Variants in NXT1 observed in about 807,000 individuals in gnomAD.
NXT1 encodes nuclear transport factor 2 like export factor 1, also known as NTF2-related export protein 1.
NXT1 carries 3 observed loss-of-function variants against 9.9 expected under a neutral mutation model. The observed-to-expected ratio is 0.30, with a 90% CI of 0.14 to 0.79. The LOEUF is 0.79. NXT1 is among the 30% of genes least tolerant of loss of function. The pLI, the probability that NXT1 is intolerant of heterozygous loss-of-function variation, is 0.63. For synonymous variants in NXT1, 53 were observed against 66.5 expected, an observed-to-expected ratio of 0.80 and a Z score of 0.99; for missense variants, 91 against 178.2, an observed-to-expected ratio of 0.51 and a Z score of 2.79.
intron 1 of NXT1, among the ~76,000 whole-genome samples, chr20:23,352,808 A>C (rs1375560281): frequency 6.6e-6 from 1 of 152,068 alleles, no homozygotes; most frequent in African/African-American, 2.4e-5. Context: ...CTTTCTGTGG[A>C]GGCACTGTGA....
At chr20:23,353,792 T>TTC (rs1980334863) in intron 1 of NXT1, among the ~76,000 whole-genome samples, 189 bp from the exon 2 acceptor site, 1 of 152,222 alleles carries the variant, frequency 6.6e-6, no homozygotes, top group Non-Finnish European at 1.5e-5. Flanking sequence ...AATCCCATCT[T>TTC]AACAGTGAGC....
rs1474428178 is a variant in NXT1 at position 23,354,442 on chromosome 20, G to A, written c.401G>A (p.Arg134His). 3 of 1,613,578 alleles carry A rather than the reference G, an allele frequency of 1.9e-6. No individual in the cohort carries two copies. Among genetic ancestry groups the A allele is most frequent in the African/African-American group, 2.7e-5 (2 of 74,916 alleles). ...TVWKIASDCF[R>H]FQDWAS Reference sequence around the variant, plus strand: ...TGGAAGATCGCAAGTGACTGCTTCCGCTTCCAGGACTGGGCCAGCTAGTGG... The same window carrying A: ...TGGAAGATCGCAAGTGACTGCTTCCACTTCCAGGACTGGGCCAGCTAGTGG... The change falls in exon 2 of 2, where the codon CGC (arginine) becomes CAC (histidine). Residue 134 changes from arginine (R) to histidine (H), a missense_variant. By Grantham distance (29) the Arg-to-His change is conservative. Transcript: ENST00000254998.
chr20:23,354,323 C>T lies in NXT1; in HGVS notation c.282C>T (p.Val94=). The T allele has an allele frequency of 1.2e-6, 2 of 1,614,186 alleles. No homozygotes were observed. The highest frequency in any genetic ancestry group is 1.7e-6 in the Non-Finnish European group (2 of 1,180,048). Residue 94 remains valine, a synonymous_variant, in exon 2 of 2, where the codon GTC becomes GTT. Coordinates refer to ENST00000254998, the MANE Select transcript of NXT1 (RefSeq NM_013248.3). ...CAAGCCAGACCACGGTCCTTGTTGT[C>T]ATCTGTGGATCAGTGAAGTTTGAGG... is the stretch of plus-strand genomic sequence containing the variant. ...ATPSQTTVLV[V]ICGSVKFEGN... is the part of the protein sequence containing the mutation.
At chr20:23,351,122 C>G (rs536978767) in intron 1 of NXT1, 61 bp downstream of exon 1, 10 of 152,352 alleles carry the variant, frequency 6.6e-5, no homozygotes, top group African/African-American at 2.4e-4. Flanking sequence ...TACCCCACGC[C>G]CTCCTCCATT....
Position 23,354,016 on chromosome 20 carries a change from G to T in NXT1, c.-26G>T. ...CCCAAGGCAGAGGAAATACCCTGGT[G>T]GAGCCCTCCTTCCATAGAACCAGAG... On this transcript the variant is annotated 5_prime_UTR_variant, in exon 2 of 2. Coordinates refer to ENST00000254998, the MANE Select transcript of NXT1 (RefSeq NM_013248.3). 6.2e-7 allele frequency: 1 copy of T among 1,600,410 alleles called. No homozygotes were observed. The highest frequency in any genetic ancestry group is 8.5e-7 in the Non-Finnish European group (1 of 1,170,278).
intron 1 of NXT1, 46 bp from the exon 2 acceptor site, chr20:23,353,935 A>T (rs956342941): frequency 5.8e-5 from 61 of 1,049,602 alleles, no homozygotes; most frequent in Admixed American, 2.2e-5. Context: ...GGGCAGAATG[A>T]ACTTTGGCAT....
At chr20:23,352,750 GTTCATA>G (rs1163497739) in intron 1 of NXT1, among the ~76,000 whole-genome samples, 2 of 152,086 alleles carry the variant, frequency 1.3e-5, no homozygotes, top group Admixed American at 6.5e-5. Flanking sequence ...TTCAGCTATA[GTTCATA>G]TTCTGTGTCC....
intron 1 of NXT1, among the ~76,000 whole-genome samples, chr20:23,351,709 A>T (rs1306551289): frequency 6.6e-6 from 1 of 152,212 alleles, no homozygotes; most frequent in African/African-American, 2.4e-5. Flanking sequence ...TTCCCACTCT[A>T]GCAGTCCTGG....
chr20:23,354,685 A>T lies in NXT1; in HGVS notation c.*221A>T, dbSNP rs1980360718. The T allele has an allele frequency of 5.4e-6, 3 of 551,128 alleles. No homozygotes were observed. Among genetic ancestry groups the T allele is most frequent in the Admixed American group, 3.7e-5 (1 of 26,964 alleles). The allele number at this position is 551,128 out of a possible 1,614,324, so 34.1% of individuals were successfully genotyped here. ...GTCATAGTTTCCTTTTCAAAGTAGTAAACTTTTCTATTTTTCTACTTGCCC... is the reference window on the plus strand; with the variant it reads ...GTCATAGTTTCCTTTTCAAAGTAGTTAACTTTTCTATTTTTCTACTTGCCC... On this transcript the variant is annotated 3_prime_UTR_variant, in exon 2 of 2. Coordinates refer to ENST00000254998, the MANE Select transcript of NXT1 (RefSeq NM_013248.3).
rs1980346823 is a variant in NXT1 at position 23,354,211 on chromosome 20, C to A, written c.170C>A (p.Ser57Tyr). Residue 57 changes from serine to tyrosine, a missense_variant, in exon 2 of 2, where the codon TCC becomes TAC. Physicochemically the swap from Ser to Tyr is moderately radical, Grantham distance 144 (BLOSUM62 -2). Coordinates refer to ENST00000254998, the MANE Select transcript of NXT1 (RefSeq NM_013248.3). ...WNGNAVSGQE[S>Y]LSEFFEMLPS... Reference sequence around the variant, plus strand: ...GGCAATGCTGTTTCAGGACAAGAATCCTTGAGTGAGTTTTTTGAAATGTTG... The same window carrying A: ...GGCAATGCTGTTTCAGGACAAGAATACTTGAGTGAGTTTTTTGAAATGTTG... The A allele has an allele frequency of 5.6e-6, 9 of 1,614,098 alleles. No homozygotes were observed. The highest frequency in any genetic ancestry group is 7.6e-6 in the Non-Finnish European group (9 of 1,180,054).
rs1218346581 is a variant in NXT1, at chr20:23,354,663, A to T, written c.*199A>T. 1.7e-6 allele frequency: 1 copy of T among 590,810 alleles called. No homozygotes were observed. Among genetic ancestry groups the T allele is most frequent in the Non-Finnish European group, 2.9e-6 (1 of 339,450 alleles). 36.6% of individuals were successfully genotyped at this position (590,810 alleles called of 1,614,324 possible). ...TTTCCTGAATATATACTTGTTTGTC[A>T]TAGTTTCCTTTTCAAAGTAGTAAAC... On this transcript the variant is annotated 3_prime_UTR_variant, in exon 2 of 2. Coordinates refer to ENST00000254998, the MANE Select transcript of NXT1 (RefSeq NM_013248.3).
At chr20:23,353,841 G>A (rs1290601938) in intron 1 of NXT1, 140 bp from the exon 2 acceptor site, 2 of 600,236 alleles carry the variant, frequency 3.3e-6, no homozygotes, top group Non-Finnish European at 5.9e-6. Context: ...TTTAGGCATT[G>A]GGTACTATTT....
intron 1 of NXT1, among the ~76,000 whole-genome samples, chr20:23,353,723 T>C (rs762683661): frequency 2.0e-5 from 3 of 152,222 alleles, no homozygotes; most frequent in Non-Finnish European, 4.4e-5. Flanking sequence ...GTGCTGACTA[T>C]AACTAAATGT....
chr20:23,351,981 G>C (rs1433172686), intron 1 of NXT1, among the ~76,000 whole-genome samples: 1 of 152,206 alleles, frequency 6.6e-6, no homozygotes, highest in Non-Finnish European at 1.5e-5. Flanking sequence ...TGGGTTCCGC[G>C]TGGGGTGGAT....
At chr20:23,351,372 C>T (rs1189974524) in intron 1 of NXT1, 1 of 152,288 alleles carries the variant, frequency 6.6e-6, no homozygotes, top group Non-Finnish European at 1.5e-5. Flanking sequence ...TCCCGTCCAT[C>T]TCCGGACACT....
chr20:23,351,301 T>C (rs1226931222), intron 1 of NXT1: 1 of 152,280 alleles, frequency 6.6e-6, no homozygotes, highest in Admixed American at 6.5e-5. Context: ...GGCGTGCGTC[T>C]GTCTAGGTTT....
intron 1 of NXT1, 23 bp from the exon 2 acceptor site, chr20:23,353,958 T>A (rs1215154585): frequency 5.0e-6 from 7 of 1,395,382 alleles, no homozygotes; most frequent in Non-Finnish European, 2.0e-6. Flanking sequence ...ACGTGGCTTC[T>A]CTTCAACCTT....
At chr20:23,351,578 GC>G (rs1475643783) in intron 1 of NXT1, 1 of 152,266 alleles carries the variant, frequency 6.6e-6, no homozygotes, top group Non-Finnish European at 1.5e-5. Context: ...TGGAAAGACA[GC>G]CAGGGGCGGA....
chr20:23,354,559 T>A lies in NXT1; in HGVS notation c.*95T>A. The A allele has an allele frequency of 7.1e-7, 1 of 1,411,762 alleles. No homozygotes were observed. Among genetic ancestry groups the A allele is most frequent in the Non-Finnish European group, 9.5e-7 (1 of 1,050,520 alleles). 87.5% of individuals were successfully genotyped at this position (1,411,762 alleles called of 1,614,324 possible). On this transcript the variant is annotated 3_prime_UTR_variant, in exon 2 of 2. Coordinates refer to ENST00000254998, the MANE Select transcript of NXT1 (RefSeq NM_013248.3). ...AAGGATGTGAGGAACACAAGTTCATTTCTGTTGTTGCGGAGACACTGCAGA... is the reference window on the plus strand; with the variant it reads ...AAGGATGTGAGGAACACAAGTTCATATCTGTTGTTGCGGAGACACTGCAGA...
Sources: gnomAD v4.1 joint callset for allele counts (sites outside exome capture counted in the v4.1 genomes callset) on GRCh38, gnomAD v4.1.1 for gene constraint, MANE v1.5 for transcripts, NCBI Gene and HGNC (gene_info 2026-07-23, HGNC 2026-07-21) for gene names.